The following CLSTN2 variants were observed in gnomAD, a reference collection of about 807,000 sequenced individuals.
The protein encoded by CLSTN2 is calsyntenin 2.
Under a neutral mutation model 101.2 loss-of-function variants are expected in CLSTN2, and 48 were observed. The ratio of observed to expected loss-of-function variants is 0.47; its 90% CI spans 0.38 to 0.60. The LOEUF (loss-of-function observed/expected upper bound fraction) is 0.60. Ranked by LOEUF, CLSTN2 falls within the 20% of genes least tolerant of loss-of-function variation. The pLI, the probability that CLSTN2 is intolerant of heterozygous loss-of-function variation, is 0.00. For synonymous variants in CLSTN2, 481 were observed against 463.6 expected (o/e 1.04, Z -0.48); for missense variants, 1,160 against 1,238.2 (o/e 0.94, Z 0.95).
chr3:140,405,180 A>G (rs572968545), intron 4 of CLSTN2, among the ~76,000 whole-genome samples: 2 of 152,250 alleles, frequency 1.3e-5, no homozygotes, highest in African/African-American at 4.8e-5. Flanking sequence ...AAGACATGCT[A>G]ACAGAGGAGG....
At chr3:140,249,929 A>C (rs1167442408) in intron 2 of CLSTN2, among the ~76,000 whole-genome samples, 1 of 152,196 alleles carries the variant, frequency 6.6e-6, no homozygotes, top group African/African-American at 2.4e-5. Flanking sequence ...ACATTAATGC[A>C]GCTCTACATC....
intron 8 of CLSTN2, among the ~76,000 whole-genome samples, chr3:140,486,622 C>T (rs1397580144): frequency 6.6e-6 from 1 of 152,192 alleles, no homozygotes; most frequent in Non-Finnish European, 1.5e-5. Context: ...CAAAAAACTT[C>T]AAGCTCCAGA....
rs377495283 is a variant in CLSTN2 at position 140,272,472 on chromosome 3, G to A, written c.232+96399G>A. Among the ~76,000 whole-genome samples, 15 of 152,310 alleles carry A rather than the reference G, an allele frequency of 9.8e-5. No individual in the cohort carries two copies. The East Asian group carries it at 1.7e-3, about 18-fold the overall frequency. On this transcript the variant is annotated intron_variant, in intron 2 of 16. Transcript: ENST00000458420. ...GTTATAATAATTAGAATGACTGGTC[G>A]GGTGTGGTGGCCCATGCCTGTAATC...
chr3:140,065,666 A>G (rs541809525), intron 1 of CLSTN2, among the ~76,000 whole-genome samples: 3 of 152,098 alleles, frequency 2.0e-5, no homozygotes, highest in Non-Finnish European at 4.4e-5. Context: ...AAGATACTAT[A>G]AAGTCTCTCT....
intron 2 of CLSTN2, among the ~76,000 whole-genome samples, chr3:140,336,207 T>C (rs1025927797): frequency 6.6e-6 from 1 of 152,220 alleles, no homozygotes; most frequent in Non-Finnish European, 1.5e-5. Flanking sequence ...TGACTGTGTG[T>C]TGGGCACCGT....
intron 1 of CLSTN2, among the ~76,000 whole-genome samples, chr3:140,062,209 C>A (rs370518880): frequency 1.3e-4 from 20 of 152,022 alleles, no homozygotes; most frequent in Admixed American, 8.5e-4. Flanking sequence ...GTCAGTCCTC[C>A]CTAAACATGT....
chr3:140,269,518 A>G (rs2086722663), intron 2 of CLSTN2, among the ~76,000 whole-genome samples: 1 of 152,222 alleles, frequency 6.6e-6, no homozygotes, highest in African/African-American at 2.4e-5. Flanking sequence ...ATTAATTAAC[A>G]GAAATCTAAT....
intron 5 of CLSTN2, among the ~76,000 whole-genome samples, chr3:140,448,004 C>A (rs1159922528): frequency 6.6e-6 from 1 of 152,114 alleles, no homozygotes; most frequent in Non-Finnish European, 1.5e-5. Context: ...ACATGTACAC[C>A]TAAACCTAAA....
chr3:140,340,891 G>A (rs1007357761), intron 2 of CLSTN2, among the ~76,000 whole-genome samples: 8 of 152,258 alleles, frequency 5.3e-5, no homozygotes, highest in East Asian at 1.9e-4. Context: ...CAGGTATTTC[G>A]AAGAATGCCC....
intron 1 of CLSTN2, among the ~76,000 whole-genome samples, chr3:140,171,162 G>A (rs370360944): frequency 5.3e-5 from 8 of 152,168 alleles, no homozygotes; most frequent in African/African-American, 1.9e-4. Flanking sequence ...GCAAAGGAGT[G>A]TGGGGACAGC....
chr3:140,319,592 AG>A (rs1446612628), intron 2 of CLSTN2, among the ~76,000 whole-genome samples: 1 of 152,216 alleles, frequency 6.6e-6, no homozygotes, highest in Non-Finnish European at 1.5e-5. Context: ...AGAACAAATC[AG>A]GATCTAATTA....
At chr3:139,940,094 C>T (rs897295451) in intron 1 of CLSTN2, among the ~76,000 whole-genome samples, 4 of 152,188 alleles carry the variant, frequency 2.6e-5, no homozygotes, top group African/African-American at 9.7e-5. Flanking sequence ...GACTCTAGTC[C>T]TCAGGGCTCA....
At chr3:140,278,757 G>A (rs1258308269) in intron 2 of CLSTN2, among the ~76,000 whole-genome samples, 1 of 152,202 alleles carries the variant, frequency 6.6e-6, no homozygotes, top group African/African-American at 2.4e-5. Context: ...GTCTCACTCT[G>A]CTGCCCAGAC....
At chr3:139,986,858 C>A (rs1160943303) in intron 1 of CLSTN2, among the ~76,000 whole-genome samples, 1 of 152,154 alleles carries the variant, frequency 6.6e-6, no homozygotes, top group African/African-American at 2.4e-5. Context: ...CACTTGGGGG[C>A]TGGCTATGGG....
At chr3:140,537,846 T>A (rs1335131263) in intron 9 of CLSTN2, among the ~76,000 whole-genome samples, 1 of 152,184 alleles carries the variant, frequency 6.6e-6, no homozygotes, top group Non-Finnish European at 1.5e-5. Flanking sequence ...CTGGTCCTGA[T>A]CACCTGGGTA....
At chr3:140,074,115 G>A (rs1305975560) in intron 1 of CLSTN2, among the ~76,000 whole-genome samples, 1 of 152,096 alleles carries the variant, frequency 6.6e-6, no homozygotes, top group Non-Finnish European at 1.5e-5. Context: ...TGAGATCAAA[G>A]CTATAGCTTG....
chr3:140,494,706 C>T (rs775973896), intron 8 of CLSTN2, among the ~76,000 whole-genome samples: 14 of 152,140 alleles, frequency 9.2e-5, no homozygotes, highest in Non-Finnish European at 2.1e-4. Flanking sequence ...TAAGTGAGAA[C>T]ATGCATGTTT....
intron 1 of CLSTN2, among the ~76,000 whole-genome samples, chr3:140,089,989 T>C (rs959257767): frequency 6.9e-6 from 1 of 145,970 alleles, no homozygotes; most frequent in African/African-American, 2.5e-5. Context: ...TTTTTTTTTT[T>C]TTTTTTTTTT....
intron 8 of CLSTN2, among the ~76,000 whole-genome samples, chr3:140,516,605 C>T (rs904916608): frequency 1.3e-5 from 2 of 150,098 alleles, no homozygotes; most frequent in Non-Finnish European, 3.0e-5. Context: ...ATTTATGAAG[C>T]TTAGTTTTGC....
Sources: gnomAD v4.1 joint callset for allele counts (sites outside exome capture counted in the v4.1 genomes callset) on GRCh38, gnomAD v4.1.1 for gene constraint, MANE v1.5 for transcripts, NCBI Gene and HGNC (gene_info 2026-07-23, HGNC 2026-07-21) for gene names.